Variants in AP5Z1 observed in about 807,000 individuals in gnomAD.
AP5Z1 encodes adaptor related protein complex 5 subunit zeta 1, also known as AP-5 complex subunit zeta-1.
AP5Z1 carries 106 observed loss-of-function variants against 83.0 expected under a neutral mutation model. The observed-to-expected ratio is 1.28, with a 90% CI of 1.09 to 1.50. The LOEUF (loss-of-function observed/expected upper bound fraction) is 1.50, where lower values mean the gene tolerates loss of function less well. AP5Z1 is among the 40% of genes most tolerant of loss of function. AP5Z1 has a pLI of 0.00. For synonymous variants in AP5Z1, 751 were observed against 514.1 expected, an observed-to-expected ratio of 1.46 and a Z score of -6.23; for missense variants, 1,565 against 1,094.2, an observed-to-expected ratio of 1.43 and a Z score of -6.07.
chr7:4,785,959 TTAAA>T (rs1424897589), intron 9 of AP5Z1, among the ~76,000 whole-genome samples: 5 of 152,178 alleles, frequency 3.3e-5, no homozygotes, highest in Non-Finnish European at 7.4e-5. Flanking sequence ...TTTTAAACTT[TTAAA>T]TAGAGAAATA....
At chr7:4,783,571 C>A in intron 4 of AP5Z1, 111 bp downstream of exon 4, 2 of 1,538,428 alleles carry the variant, frequency 1.3e-6, no homozygotes, top group Non-Finnish European at 1.8e-6. Flanking sequence ...CACGGGGAGG[C>A]CCGAGGGTTT....
At chr7:4,777,735 G>A (rs1781265656) in intron 1 of AP5Z1, among the ~76,000 whole-genome samples, 2 of 152,070 alleles carry the variant, frequency 1.3e-5, no homozygotes, top group Admixed American at 1.3e-4. Flanking sequence ...CCTGGCTCGG[G>A]TGGGCAGCCG....
intron 3 of AP5Z1, among the ~76,000 whole-genome samples, chr7:4,782,570 C>T (rs565785128): frequency 1.3e-5 from 2 of 152,112 alleles, no homozygotes; most frequent in East Asian, 1.9e-4. Context: ...TCTGTGTGGG[C>T]GAGAGCTTGT....
intron 13 of AP5Z1, 47 bp downstream of exon 13, chr7:4,788,998 G>A (rs2115122944): frequency 2.0e-6 from 3 of 1,534,212 alleles, no homozygotes; most frequent in Non-Finnish European, 2.7e-6. Flanking sequence ...CCTCACAACT[G>A]AGGGGCAGGC....
chr7:4,790,819 C>A lies in AP5Z1; in HGVS notation c.2085C>A (p.Pro695=), dbSNP rs746736951. ...RPSAALPRCP[P]QVVTVLMTTL... The stretch of plus-strand genomic sequence containing the variant: ...CTGCTGCCCTGCCCAGGTGTCCCCC[C>A]CAGGTGGTCACCGTGCTGATGACCA... Residue 695 remains proline, a synonymous_variant, in exon 16 of 17, where the codon CCC becomes CCA. Coordinates refer to ENST00000649063, the MANE Select transcript of AP5Z1 (RefSeq NM_014855.3). 1 of 1,609,478 alleles carries A rather than the reference C, an allele frequency of 6.2e-7. No individual in the cohort carries two copies. Among genetic ancestry groups the A allele is most frequent in the African/African-American group, 1.3e-5 (1 of 74,982 alleles).
rs1237935975 is a variant in AP5Z1 at position 4,791,530 on chromosome 7, C to T, written c.*145C>T. On this transcript the variant is annotated 3_prime_UTR_variant, in exon 17 of 17. Coordinates refer to ENST00000649063, the MANE Select transcript of AP5Z1 (RefSeq NM_014855.3). ...ACGGTGGGCTTGGCACCCTCACAGA[C>T]ACGCGGGGCTGGCCCCCCTGCTCAC... The T allele has an allele frequency of 6.5e-6, 8 of 1,235,374 alleles. No homozygotes were observed. The highest frequency in any genetic ancestry group is 8.8e-6 in the Non-Finnish European group (8 of 905,464). 76.5% of individuals were successfully genotyped at this position (1,235,374 alleles called of 1,614,324 possible).
intron 14 of AP5Z1, 63 bp downstream of exon 14, chr7:4,789,992 T>TCCCCTCC (rs954012979): frequency 2.6e-4 from 138 of 521,634 alleles, no homozygotes; most frequent in East Asian, 8.0e-4. Context: ...CCTCCCCCTC[T>TCCCCTCC]CCCCTCCCCC....
intron 14 of AP5Z1, chr7:4,790,222 C>G (rs201394391): frequency 6.5e-7 from 1 of 1,549,738 alleles, no homozygotes; most frequent in South Asian, 1.2e-5. Flanking sequence ...AGGCCTGATG[C>G]ATGCAGGCCC....
At chr7:4,781,986 G>A (rs1781394823) in intron 3 of AP5Z1, among the ~76,000 whole-genome samples, 1 of 152,238 alleles carries the variant, frequency 6.6e-6, no homozygotes, top group Admixed American at 6.5e-5. Context: ...GTGGAGTTTG[G>A]TTTCTCAGAC....
chr7:4,779,612 C>T (rs923000546), intron 1 of AP5Z1, among the ~76,000 whole-genome samples: 2 of 151,572 alleles, frequency 1.3e-5, no homozygotes, highest in Middle Eastern at 3.2e-3. Context: ...GCTGGGACTA[C>T]ACCATGCCCA....
At position 4,785,633 on chromosome 7, in the gene AP5Z1, C is replaced by T. The variant is rs1435362857; in HGVS notation, c.1081C>T (p.Pro361Ser). Residue 361 changes from proline to serine, a missense_variant, in exon 9 of 17, where the codon CCG becomes TCG. Transcript: ENST00000649063. ...CCTGCACGGGCGGGTGCGCGGGGAC[C>T]CGGCCTCTGTGCGGGTGCTGCTGCC... ...KALHGRVRGD[P>S]ASVRVLLPLA... The T allele has an allele frequency of 1.9e-6, 3 of 1,570,040 alleles. No individual in the cohort carries two copies. The highest frequency in any genetic ancestry group is 1.2e-5 in the South Asian group (1 of 86,548).
chr7:4,775,724 G>A lies in AP5Z1; in HGVS notation c.9G>A (p.Ser3=). Residue 3 remains serine (S), a synonymous_variant, in exon 1 of 17, where the codon TCG becomes TCA. Coordinates refer to ENST00000649063, the MANE Select transcript of AP5Z1 (RefSeq NM_014855.3). MF[S]AGAESLLHQA... is the part of the protein sequence containing the mutation. ...CTGGTGGCGGCGGCGTGATGTTCTC[G>A]GCAGGAGCGGAGAGTTTGCTCCACC... is the stretch of plus-strand genomic sequence containing the variant. The A allele has an allele frequency of 6.2e-7, 1 of 1,606,512 alleles. No homozygotes were observed. Among genetic ancestry groups the A allele is most frequent in the Non-Finnish European group, 8.5e-7 (1 of 1,179,734 alleles).
intron 1 of AP5Z1, among the ~76,000 whole-genome samples, chr7:4,778,808 A>C (rs1268882590): frequency 6.9e-6 from 1 of 145,908 alleles, no homozygotes; most frequent in African/African-American, 2.5e-5. Context: ...TATATGTTAT[A>C]TATTATATGT....
chr7:4,788,408 C>T lies in AP5Z1; in HGVS notation c.1595+114C>T, dbSNP rs10270188. The T allele has an allele frequency of 3.3e-5, 43 of 1,296,732 alleles. No homozygotes were observed. The African/African-American group carries it at 4.5e-4, about 14-fold the overall frequency. The allele number at this position is 1,296,732 out of a possible 1,614,324, so 80.3% of individuals were successfully genotyped here. A position where few individuals can be genotyped will look rare whatever the true frequency, so the allele number is the denominator to read the frequency against. On this transcript the variant is annotated intron_variant, in intron 12 of 16. Coordinates refer to ENST00000649063, the MANE Select transcript of AP5Z1 (RefSeq NM_014855.3). Reference sequence around the variant, plus strand: ...TGAGGCCAGGGTGCTTTGTGTCCCACACAAGGCTGCGTCCCCGTCATCACC... The same window carrying T: ...TGAGGCCAGGGTGCTTTGTGTCCCATACAAGGCTGCGTCCCCGTCATCACC...
rs1344527506 is a variant in AP5Z1 at position 4,789,704 on chromosome 7, G to A, written c.1708-128G>A. 4.7e-6 allele frequency: 3 copies of A among 644,466 alleles called. No homozygotes were observed. The Admixed American group carries it at 8.6e-5, about 18-fold the overall frequency. 39.9% of individuals were successfully genotyped at this position (644,466 alleles called of 1,614,324 possible). A position where few individuals can be genotyped will look rare whatever the true frequency, so the allele number is the denominator to read the frequency against. On this transcript the variant is annotated intron_variant, in intron 13 of 16. Transcript: ENST00000649063. ...CTGAGTCTCTGTGTCCCTGGGTGTT[G>A]GGGAAGGCAGTGGACGAGGAGTCTC...
rs777692803 is a variant in AP5Z1 at position 4,788,886 on chromosome 7, C to T, written c.1642C>T (p.Arg548Cys). Residue 548 changes from arginine to cysteine, a missense_variant, in exon 13 of 17, where the codon CGC becomes TGC. Physicochemically the swap from Arg to Cys is radical, Grantham distance 180. Coordinates refer to ENST00000649063, the MANE Select transcript of AP5Z1 (RefSeq NM_014855.3). ...GCTGCAGCCCATGGCCGGCTGTGCC[C>T]GCGTGGCCCAGTGTGCCCAGGCCGT... ...QLLQPMAGCA[R>C]VAQCAQAVPT... 1.4e-5 allele frequency: 23 copies of T among 1,610,540 alleles called. No homozygotes were observed. The highest frequency in any genetic ancestry group is 1.7e-4 in the Middle Eastern group (1 of 6,060).
At chr7:4,788,492 T>G (rs191079923) in intron 12 of AP5Z1, 198 bp downstream of exon 12, 1 of 662,056 alleles carries the variant, frequency 1.5e-6, no homozygotes, top group Non-Finnish European at 2.4e-6. Flanking sequence ...TGGTCTCAGC[T>G]CTCTCTGCTG....
At chr7:4,784,417 C>T (rs368405773) in intron 6 of AP5Z1, 46 bp downstream of exon 6, 94 of 1,541,750 alleles carry the variant, frequency 6.1e-5, no homozygotes, top group Non-Finnish European at 7.2e-5. Context: ...GGGAGGTGGG[C>T]GCACTATGGG....
chr7:4,785,208 C>T (rs901904194), intron 7 of AP5Z1, among the ~76,000 whole-genome samples, 160 bp downstream of exon 7: 1 of 152,150 alleles, frequency 6.6e-6, no homozygotes, highest in Non-Finnish European at 1.5e-5. Context: ...GGGGTCAGCC[C>T]CAAGTGTTCT....
Sources: allele counts gnomAD v4.1 joint callset (sites outside exome capture counted in the v4.1 genomes callset), GRCh38; gene constraint gnomAD v4.1.1; transcripts MANE v1.5; gene names NCBI Gene and HGNC (gene_info 2026-07-23, HGNC 2026-07-21).